Variants in SLC12A7 observed in about 807,000 individuals in gnomAD.
The protein encoded by SLC12A7 is solute carrier family 12 member 7.
In SLC12A7, 100 loss-of-function variants were observed where a neutral mutation model predicts 120.6. The observed-to-expected ratio is 0.83, with a 90% CI of 0.71 to 0.98. The LOEUF is 0.98. SLC12A7 is among the 50% of genes least tolerant of loss of function. The pLI, the probability that SLC12A7 is intolerant of heterozygous loss-of-function variation, is 0.00. For missense variants in SLC12A7, 1,373 were observed against 1,548.1 expected (o/e 0.89, Z 1.90); for synonymous variants, 760 against 678.0 (o/e 1.12, Z -1.88).
the SLC12A7 span, among the ~76,000 whole-genome samples, chr5:1,155,076 CCCCCCG>C: frequency 6.9e-6 from 1 of 144,968 alleles, no homozygotes; most frequent in African/African-American, 2.5e-5. Context: ...TCCTCTGCCT[CCCCCCG>C]CCCCCGCCCC....
chr5:1,077,712 C>A, intron 12 of SLC12A7, 121 bp downstream of exon 12: 1 of 1,093,140 alleles, frequency 9.1e-7, no homozygotes, highest in South Asian at 1.7e-5. Flanking sequence ...GGCAGAATGA[C>A]CACCATGGGG....
intron 7 of SLC12A7, among the ~76,000 whole-genome samples, chr5:1,084,950 C>T (rs1323400496): frequency 6.6e-6 from 1 of 152,218 alleles, no homozygotes; most frequent in Non-Finnish European, 1.5e-5. Context: ...GTGCTCAGGG[C>T]CACCGGCCAC....
In SLC12A7 at chr5:1,076,222, C is replaced by A; in HGVS notation, c.1763G>T (p.Cys588Phe). The change falls in exon 14 of 24, where the codon TGC (cysteine) becomes TTC (phenylalanine). Residue 588 changes from cysteine (C) to phenylalanine (F), a missense_variant. Cys to Phe is a radical substitution (Grantham distance 205, BLOSUM62 -2). Transcript: ENST00000264930. ...APILSMFFLM[C>F]YLFVNLACAV... Reference sequence around the variant, plus strand: ...GCAGGCCAGGTTCACGAACAGGTAGCACATGAGGAAGAACCTGCAGGGACG... The same window carrying A: ...GCAGGCCAGGTTCACGAACAGGTAGAACATGAGGAAGAACCTGCAGGGACG... 3 of 1,611,000 alleles carry A rather than the reference C, an allele frequency of 1.9e-6. No homozygotes were observed. Among genetic ancestry groups the A allele is most frequent in the Non-Finnish European group, 2.5e-6 (3 of 1,179,124 alleles).
At chr5:1,118,077 A>G in the SLC12A7 span, among the ~76,000 whole-genome samples, 4 of 152,186 alleles carry the variant, frequency 2.6e-5, no homozygotes, top group Admixed American at 2.6e-4. Flanking sequence ...CTCTGTCTCA[A>G]AAAAAGAAAA....
intron 5 of SLC12A7, among the ~76,000 whole-genome samples, chr5:1,087,332 C>T (rs1440749139): frequency 3.3e-5 from 5 of 152,322 alleles, no homozygotes; most frequent in South Asian, 2.1e-4. Context: ...GAAAAAGTCC[C>T]GCGTACATCA....
Position 1,078,009 on chromosome 5 carries a change from T to TGCAG in SLC12A7, c.1455-6_1455-3dup, listed in dbSNP as rs200032397. 0.029 allele frequency: 44,411 copies of TGCAG among 1,557,570 alleles called. 758 individuals carry two copies. The highest frequency in any genetic ancestry group is 0.032 in the Non-Finnish European group (37,181 of 1,152,622). Reference sequence around the variant, plus strand: ...TTCCCCTGCAGGGCCTCCCCGAACCTGCAGGCAGGCGGGCAGGCGGGCGGG... The same window carrying TGCAG: ...TTCCCCTGCAGGGCCTCCCCGAACCTGCAGGCAGGCAGGCGGGCAGGCGGGCGGG... On this transcript the variant is annotated splice_polypyrimidine_tract_variant and splice_region_variant and intron_variant, in intron 11 of 23. Transcript: ENST00000264930.
At chr5:1,059,908 G>A (rs1367598492) in intron 21 of SLC12A7, among the ~76,000 whole-genome samples, 1 of 152,244 alleles carries the variant, frequency 6.6e-6, no homozygotes, top group Non-Finnish European at 1.5e-5. Flanking sequence ...GTTTCAGGCT[G>A]TGAGACAAAG....
In SLC12A7 at chr5:1,106,780, AGCT is replaced by A. The variant is rs1742564462; in HGVS notation, c.124+5085_124+5087del. Among the ~76,000 whole-genome samples the A allele has an allele frequency of 2.6e-5, 4 of 152,238 alleles. No homozygotes were observed. In the South Asian group the frequency reaches 8.3e-4, roughly 31 times the overall value. ...GTCAGGCTGGGAACCGGGTCACGCA[AGCT>A]GCCTTCCATTTTCTTCCTGTGTAGA... is the stretch of plus-strand genomic sequence containing the variant. On this transcript the variant is annotated intron_variant, in intron 1 of 23. Transcript: ENST00000264930.
In SLC12A7 at chr5:1,053,422, G is replaced by C; in HGVS notation, c.3087C>G (p.Asn1029Lys). 3 of 1,613,986 alleles carry C rather than the reference G, an allele frequency of 1.9e-6. No homozygotes were observed. The highest frequency in any genetic ancestry group is 2.5e-6 in the Non-Finnish European group (3 of 1,180,008). ...GGACCAGCTGCGCATCCTGGGACTT[G>C]TTGAGGACGACGCCATTGAGCTTCA... The part of the protein sequence containing the change: ...TAVKLNGVVL[N>K]KSQDAQLVLL... The change falls in exon 23 of 24, where the codon AAC becomes AAG. Residue 1029 changes from asparagine (N) to lysine (K), a missense_variant. Transcript: ENST00000264930.
At chr5:1,102,311 G>C (rs1347502253) in intron 1 of SLC12A7, among the ~76,000 whole-genome samples, 1 of 152,208 alleles carries the variant, frequency 6.6e-6, no homozygotes, top group Non-Finnish European at 1.5e-5. Context: ...GCAGGGAGAA[G>C]CTGGCTCACC....
chr5:1,132,030 G>A, the SLC12A7 span, among the ~76,000 whole-genome samples: 3 of 152,196 alleles, frequency 2.0e-5, no homozygotes, highest in Admixed American at 2.0e-4. Flanking sequence ...GTCACAAGGT[G>A]AGACGGGACG....
chr5:1,061,875 T>C (rs935028209), intron 20 of SLC12A7, among the ~76,000 whole-genome samples: 3 of 152,036 alleles, frequency 2.0e-5, no homozygotes, highest in African/African-American at 4.8e-5. Context: ...GGCAGGAGAA[T>C]TGCCTGAACC....
At chr5:1,063,582 C>T (rs1251547416) in intron 20 of SLC12A7, among the ~76,000 whole-genome samples, 2 of 151,948 alleles carry the variant, frequency 1.3e-5, no homozygotes, top group African/African-American at 2.4e-5. Context: ...CAAGGCCTGG[C>T]AGCCCCCGCC....
intron 3 of SLC12A7, among the ~76,000 whole-genome samples, chr5:1,091,946 C>T (rs1282210621): frequency 2.0e-5 from 3 of 152,208 alleles, no homozygotes; most frequent in Admixed American, 6.5e-5. Context: ...ACAAGCTCCC[C>T]GAGCCGGGAA....
the SLC12A7 span, among the ~76,000 whole-genome samples, chr5:1,132,241 C>T: frequency 2.0e-5 from 3 of 152,062 alleles, no homozygotes; most frequent in Non-Finnish European, 2.9e-5. Flanking sequence ...ACAGAGGCCA[C>T]GGCAACGTCG....
chr5:1,088,837 G>A, intron 4 of SLC12A7, 145 bp downstream of exon 4: 5 of 1,015,158 alleles, frequency 4.9e-6, no homozygotes, highest in Non-Finnish European at 7.3e-6. Flanking sequence ...CGTCTACACG[G>A]GCGTCTGGGG....
intron 1 of SLC12A7, among the ~76,000 whole-genome samples, chr5:1,097,672 G>C (rs551224181): frequency 6.6e-6 from 1 of 152,156 alleles, no homozygotes; most frequent in African/African-American, 2.4e-5. Flanking sequence ...AGTCCAGAAC[G>C]CGAGGACGCA....
At chr5:1,082,209 T>C (rs58955064) in intron 8 of SLC12A7, among the ~76,000 whole-genome samples, 2 of 131,078 alleles carry the variant, frequency 1.5e-5, no homozygotes, top group Non-Finnish European at 3.1e-5. Flanking sequence ...TTCTGGAAAG[T>C]CCGGGCTTCC....
At chr5:1,069,600 G>A (rs1367674051) in intron 17 of SLC12A7, among the ~76,000 whole-genome samples, 1 of 152,216 alleles carries the variant, frequency 6.6e-6, no homozygotes, top group Non-Finnish European at 1.5e-5. Flanking sequence ...GGAAGGAGGA[G>A]GCTCGAGGCG....
Sources: allele counts gnomAD v4.1 joint callset (sites outside exome capture counted in the v4.1 genomes callset), GRCh38; gene constraint gnomAD v4.1.1; transcripts MANE v1.5; gene names NCBI Gene and HGNC (gene_info 2026-07-23, HGNC 2026-07-21).